FANCL: variants seen among roughly 807,000 people sequenced by gnomAD.
The protein encoded by FANCL is FA complementation group L, also known as E3 ubiquitin-protein ligase FANCL.
In FANCL, 69 loss-of-function variants were observed where a neutral mutation model predicts 59.4. The ratio of observed to expected loss-of-function variants is 1.16; its 90% confidence interval spans 0.96 to 1.42. FANCL has a LOEUF of 1.42. FANCL is among the 40% of genes most tolerant of loss of function. FANCL has a pLI of 0.00. For missense variants in FANCL, 519 were observed against 447.2 expected (o/e 1.16, Z -1.45); for synonymous variants, 180 against 147.1 (o/e 1.22, Z -1.62).
intron 1 of FANCL, among the ~76,000 whole-genome samples, chr2:58,239,983 A>G (rs948007145): frequency 6.6e-6 from 1 of 152,206 alleles, no homozygotes; most frequent in Non-Finnish European, 1.5e-5. Context: ...TAGCTATAGC[A>G]ATGGTCATAA....
chr2:58,187,308 C>T (rs1231127268), intron 7 of FANCL, among the ~76,000 whole-genome samples: 6 of 151,404 alleles, frequency 4.0e-5, no homozygotes, highest in African/African-American at 1.2e-4. Flanking sequence ...AGCAAACTAT[C>T]GCAAGCACAG....
chr2:58,191,739 G>T (rs1688941700), intron 7 of FANCL, among the ~76,000 whole-genome samples: 1 of 151,718 alleles, frequency 6.6e-6, no homozygotes, highest in Admixed American at 6.6e-5. Flanking sequence ...ATTACACATG[G>T]AGAGAGACTA....
Position 58,163,574 on chromosome 2 carries a change from A to G in FANCL, c.692-57T>C, listed in dbSNP as rs1160255633. On this transcript the variant is annotated intron_variant, in intron 8 of 13. Transcript: ENST00000233741. The stretch of plus-strand genomic sequence containing the variant: ...GTAGAACAGCTCATCAAACAACCCA[A>G]TAAAAAATAAAGAGGTGTTGGTCTG... 4.6e-6 allele frequency: 5 copies of G among 1,078,314 alleles called. No homozygotes were observed. The African/African-American group carries it at 7.8e-5, about 17-fold the overall frequency. The allele number at this position is 1,078,314 out of a possible 1,614,324, so 66.8% of individuals were successfully genotyped here.
intron 5 of FANCL, among the ~76,000 whole-genome samples, chr2:58,214,361 A>G (rs1691493795): frequency 6.6e-6 from 1 of 152,210 alleles, no homozygotes. Flanking sequence ...CACTTACTCC[A>G]TATTTTATAT....
intron 5 of FANCL, among the ~76,000 whole-genome samples, chr2:58,221,697 G>A (rs990849593): frequency 4.6e-5 from 7 of 151,860 alleles, no homozygotes; most frequent in African/African-American, 1.7e-4. Context: ...TATCTATTAC[G>A]GTAACATCTT....
In FANCL at chr2:58,164,046, T is replaced by C. The variant is rs959189831; in HGVS notation, c.692-529A>G. On this transcript the variant is annotated intron_variant, in intron 8 of 13. Transcript: ENST00000233741. ...CTGCATGTGAAACTTTCCCTTATAA[T>C]TTAACAAAAGATTTCATTCACATTG... Among the ~76,000 whole-genome samples the C allele has an allele frequency of 2.6e-5, 4 of 152,120 alleles. No individual in the cohort carries two copies. The East Asian group carries it at 5.8e-4, about 22-fold the overall frequency.
intron 7 of FANCL, among the ~76,000 whole-genome samples, chr2:58,191,746 A>G (rs868625223): frequency 6.6e-6 from 1 of 151,856 alleles, no homozygotes; most frequent in Non-Finnish European, 1.5e-5. Flanking sequence ...ATGGAGAGAG[A>G]CTACTTCTTT....
At chr2:58,205,782 G>C (rs1690525666) in intron 5 of FANCL, among the ~76,000 whole-genome samples, 1 of 149,942 alleles carries the variant, frequency 6.7e-6, no homozygotes, top group Non-Finnish European at 1.5e-5. Flanking sequence ...GCAGTGTTCA[G>C]GATAGAGAGT....
Position 58,161,837 on chromosome 2 carries a change from C to T in FANCL, c.904-199G>A, listed in dbSNP as rs1009880330. Among the ~76,000 whole-genome samples the T allele has an allele frequency of 3.3e-5, 5 of 151,862 alleles. No individual in the cohort carries two copies. The East Asian group carries it at 5.8e-4, about 18-fold the overall frequency. ...CAATTCTTCTAACTACTTTAGAATA[C>T]GAAATCATCTATGTGTTTAAAACAC... On this transcript the variant is annotated intron_variant, in intron 11 of 13. Transcript: ENST00000233741.
chr2:58,221,626 T>C (rs1378114676), intron 5 of FANCL, among the ~76,000 whole-genome samples: 1 of 152,206 alleles, frequency 6.6e-6, no homozygotes, highest in Admixed American at 6.5e-5. Context: ...CTCTTTCATG[T>C]GTCTCAGCAT....
intron 12 of FANCL, among the ~76,000 whole-genome samples, chr2:58,160,594 C>G (rs948458694): frequency 3.9e-5 from 6 of 152,000 alleles, no homozygotes; most frequent in African/African-American, 1.4e-4. Context: ...AAATTTCCCT[C>G]TTAGTTCTGG....
At chr2:58,166,751 C>T (rs1216629481) in intron 7 of FANCL, among the ~76,000 whole-genome samples, 2 of 152,138 alleles carry the variant, frequency 1.3e-5, no homozygotes, top group Non-Finnish European at 1.5e-5. Context: ...GAATATGATA[C>T]ACCCTAAGAT....
At chr2:58,212,498 G>A (rs1177898642) in intron 5 of FANCL, among the ~76,000 whole-genome samples, 1 of 151,792 alleles carries the variant, frequency 6.6e-6, no homozygotes, top group Non-Finnish European at 1.5e-5. Flanking sequence ...GACTGACAGG[G>A]GCCAAAACAA....
intron 7 of FANCL, among the ~76,000 whole-genome samples, chr2:58,171,563 C>CA (rs992760310): frequency 1.3e-5 from 2 of 152,158 alleles, no homozygotes; most frequent in South Asian, 2.1e-4. Context: ...AAAAACCCTT[C>CA]AAAAAAATCA....
At chr2:58,223,286 G>A (rs564684477) in intron 4 of FANCL, among the ~76,000 whole-genome samples, 20 of 151,834 alleles carry the variant, frequency 1.3e-4, no homozygotes, top group African/African-American at 4.6e-4. Context: ...ATAGACTGAT[G>A]GTCCACCAAA....
intron 7 of FANCL, among the ~76,000 whole-genome samples, chr2:58,166,233 CA>C (rs1685944655): frequency 6.6e-6 from 1 of 152,090 alleles, no homozygotes; most frequent in Admixed American, 6.5e-5. Context: ...TGGACCTATA[CA>C]AAATGTCTAT....
chr2:58,230,818 C>A (rs1334280860), intron 2 of FANCL, among the ~76,000 whole-genome samples: 1 of 152,166 alleles, frequency 6.6e-6, no homozygotes, highest in Non-Finnish European at 1.5e-5. Flanking sequence ...ATTGTGGTAT[C>A]CTTAATTTAT....
chr2:58,241,050 G>C (rs1188842408), intron 1 of FANCL, among the ~76,000 whole-genome samples, 168 bp downstream of exon 1: 4 of 152,184 alleles, frequency 2.6e-5, no homozygotes, highest in East Asian at 1.9e-4. Context: ...CCGGGGTGGC[G>C]GCGACAGCGG....
chr2:58,213,051 C>T (rs868243601), intron 5 of FANCL, among the ~76,000 whole-genome samples: 16 of 152,032 alleles, frequency 1.1e-4, no homozygotes, highest in Admixed American at 1.3e-4. Flanking sequence ...ACAGCAAGGC[C>T]AGCATTATCT....
Sources: allele counts gnomAD v4.1 joint callset (sites outside exome capture counted in the v4.1 genomes callset), GRCh38; gene constraint gnomAD v4.1.1; transcripts MANE v1.5; gene names NCBI Gene and HGNC (gene_info 2026-07-23, HGNC 2026-07-21).